Variants in PPARGC1A observed in about 807,000 individuals in gnomAD.
PPARGC1A encodes the protein PPARG coactivator 1 alpha.
Under a neutral mutation model 88.7 loss-of-function variants are expected in PPARGC1A, and 25 were observed. The ratio of observed to expected loss-of-function variants is 0.28; its 90% CI spans 0.21 to 0.39. The LOEUF (loss-of-function observed/expected upper bound fraction) is 0.39, where lower values mean the gene tolerates loss of function less well. PPARGC1A is among the 10% of genes least tolerant of loss of function. The pLI, the probability that PPARGC1A is intolerant of heterozygous loss-of-function variation, is 1.00. For missense variants in PPARGC1A, 880 were observed against 968.7 expected (o/e 0.91, Z 1.22); for synonymous variants, 363 against 355.6 (o/e 1.02, Z -0.24).
the PPARGC1A span, among the ~76,000 whole-genome samples, chr4:23,943,320 A>C: frequency 0.96 from 145,628 of 151,850 alleles, 70,024 homozygotes; most frequent in South Asian, 1. Flanking sequence ...AAAGCTAGCA[A>C]ACATGAGTGC....
the PPARGC1A span, among the ~76,000 whole-genome samples, chr4:24,197,435 G>A: frequency 1.3e-5 from 2 of 152,176 alleles, no homozygotes; most frequent in Non-Finnish European, 2.9e-5. Context: ...CAGAGGAAAA[G>A]GGCCTCTCTC....
At chr4:24,140,143 C>T in the PPARGC1A span, among the ~76,000 whole-genome samples, 2 of 152,200 alleles carry the variant, frequency 1.3e-5, no homozygotes, top group East Asian at 1.9e-4. Flanking sequence ...CTGTGTGAAA[C>T]GCTAGGCCAC....
the PPARGC1A span, among the ~76,000 whole-genome samples, chr4:24,034,014 G>T: frequency 6.6e-6 from 1 of 152,144 alleles, no homozygotes; most frequent in Non-Finnish European, 1.5e-5. Flanking sequence ...AAACAAGTGG[G>T]TGAGCAGAGT....
the PPARGC1A span, among the ~76,000 whole-genome samples, chr4:24,470,533 T>G: frequency 6.6e-6 from 1 of 151,878 alleles, no homozygotes; most frequent in Non-Finnish European, 1.5e-5. This position sits in a 1 kb window ranked among gnomAD's most constrained non-coding sequence, Gnocchi z 5.8. Flanking sequence ...CGATCGTGCT[T>G]CTCCAGGCCC....
chr4:24,049,479 T>C, the PPARGC1A span, among the ~76,000 whole-genome samples: 2 of 151,198 alleles, frequency 1.3e-5, no homozygotes, highest in East Asian at 3.9e-4. Flanking sequence ...GTGAATTGGG[T>C]GAAATTTGTC....
chr4:24,191,496 T>C, the PPARGC1A span, among the ~76,000 whole-genome samples: 270 of 152,336 alleles, frequency 1.8e-3, no homozygotes, highest in Middle Eastern at 6.8e-3. Context: ...GCATGCTTTC[T>C]GGACTCCATT....
At chr4:24,375,723 C>T in the PPARGC1A span, among the ~76,000 whole-genome samples, 2 of 151,944 alleles carry the variant, frequency 1.3e-5, no homozygotes, top group African/African-American at 2.4e-5. Context: ...AAAAGGGGGT[C>T]GCGATAGACA....
chr4:23,844,004 T>C (rs890297636), intron 2 of PPARGC1A, among the ~76,000 whole-genome samples: 4 of 151,544 alleles, frequency 2.6e-5, no homozygotes, highest in East Asian at 1.9e-4. Flanking sequence ...TTTATGTGCG[T>C]ATTTACAAAT....
the PPARGC1A span, among the ~76,000 whole-genome samples, chr4:24,306,009 T>A: frequency 6.6e-6 from 1 of 151,972 alleles, no homozygotes; most frequent in Non-Finnish European, 1.5e-5. Flanking sequence ...ATGGAAGAAA[T>A]CTGAATGACA....
chr4:24,317,473 G>C, the PPARGC1A span, among the ~76,000 whole-genome samples: 3 of 147,374 alleles, frequency 2.0e-5, no homozygotes, highest in Admixed American at 6.9e-5. Flanking sequence ...TTTAGGGACT[G>C]AGCGGGGATT....
At chr4:24,412,390 T>C in the PPARGC1A span, among the ~76,000 whole-genome samples, 1 of 151,870 alleles carries the variant, frequency 6.6e-6, no homozygotes, top group African/African-American at 2.4e-5. Context: ...TTTTAATGGT[T>C]AGGGGGAAAA....
the PPARGC1A span, among the ~76,000 whole-genome samples, chr4:24,263,287 G>A: frequency 6.6e-6 from 1 of 152,140 alleles, no homozygotes; most frequent in Non-Finnish European, 1.5e-5. Context: ...ATGTCCAATG[G>A]TGATAAAACA....
At chr4:24,427,569 T>C in the PPARGC1A span, among the ~76,000 whole-genome samples, 1 of 151,856 alleles carries the variant, frequency 6.6e-6, no homozygotes, top group Non-Finnish European at 1.5e-5. Context: ...CACTCAAGAG[T>C]CTGCAGAGCC....
chr4:23,937,659 G>A, the PPARGC1A span, among the ~76,000 whole-genome samples: 1 of 151,916 alleles, frequency 6.6e-6, no homozygotes, highest in African/African-American at 2.4e-5. Context: ...GAAATGTATT[G>A]TTCAATTTTC....
At chr4:24,360,233 A>G in the PPARGC1A span, among the ~76,000 whole-genome samples, 1 of 152,172 alleles carries the variant, frequency 6.6e-6, no homozygotes, top group Non-Finnish European at 1.5e-5. Context: ...CATTTTCCAC[A>G]AAACTGGGGA....
chr4:24,419,131 C>A, the PPARGC1A span, among the ~76,000 whole-genome samples: 4 of 152,040 alleles, frequency 2.6e-5, no homozygotes, highest in African/African-American at 9.7e-5. Flanking sequence ...GGAGAGGGGG[C>A]TGGCACAAAG....
chr4:23,991,583 G>A, the PPARGC1A span, among the ~76,000 whole-genome samples: 1 of 151,928 alleles, frequency 6.6e-6, no homozygotes, highest in East Asian at 1.9e-4. Flanking sequence ...CTACAAAGAG[G>A]CAAATCCTGC....
the PPARGC1A span, among the ~76,000 whole-genome samples, chr4:24,284,479 C>T: frequency 6.6e-6 from 1 of 152,130 alleles, no homozygotes; most frequent in Non-Finnish European, 1.5e-5. Context: ...AGTTTCTTAG[C>T]CTTATGAAAT....
intron 2 of PPARGC1A, among the ~76,000 whole-genome samples, chr4:23,841,228 AG>A (rs1218995560): frequency 6.6e-6 from 1 of 152,092 alleles, no homozygotes; most frequent in Non-Finnish European, 1.5e-5. Flanking sequence ...CTGACCATGC[AG>A]GAGTATTGAC....
Sources: gnomAD v4.1 joint callset for allele counts (sites outside exome capture counted in the v4.1 genomes callset) on GRCh38, gnomAD v4.1.1 for gene constraint, Gnocchi (gnomAD v3.1) non-coding constraint, MANE v1.5 for transcripts, NCBI Gene and HGNC (gene_info 2026-07-23, HGNC 2026-07-21) for gene names.